The following SI variants were observed in gnomAD, a reference collection of about 807,000 sequenced individuals.
SI encodes sucrase-isomaltase.
A neutral mutation model predicts 253.3 loss-of-function variants in SI; 235 were observed. That is an observed-to-expected ratio of 0.93 (90% CI 0.83 to 1.03). SI has a LOEUF of 1.03. SI is among the 50% of genes least tolerant of loss of function. SI has a pLI of 0.00. For synonymous variants in SI, 819 were observed against 712.0 expected (o/e 1.15, Z -2.39); for missense variants, 2,442 against 2,211.1 (o/e 1.10, Z -2.09).
intron 15 of SI, 67 bp from the exon 16 acceptor site, chr3:165,047,079 A>C: frequency 7.9e-7 from 1 of 1,270,740 alleles, no homozygotes; most frequent in Non-Finnish European, 1.1e-6. Flanking sequence ...TTAAATTCTA[A>C]AATTTCATAA....
chr3:165,033,548 G>T, intron 22 of SI, 104 bp from the exon 23 acceptor site: 1 of 1,088,512 alleles, frequency 9.2e-7, no homozygotes, highest in Non-Finnish European at 1.2e-6. Flanking sequence ...ACTAGATGCT[G>T]TTTATTAATG....
intron 3 of SI, among the ~76,000 whole-genome samples, 195 bp from the exon 4 acceptor site, chr3:165,069,390 C>T (rs1274436769): frequency 6.6e-6 from 1 of 151,964 alleles, no homozygotes; most frequent in East Asian, 1.9e-4. Flanking sequence ...TAATTACACC[C>T]TGTCAGAAAT....
At chr3:164,995,854 T>A (rs1717984695) in intron 40 of SI, among the ~76,000 whole-genome samples, 1 of 151,812 alleles carries the variant, frequency 6.6e-6, no homozygotes, top group Non-Finnish European at 1.5e-5. Flanking sequence ...TTTTAGAATA[T>A]ATAAATCATT....
At chr3:165,070,232 A>T (rs1560018143) in intron 3 of SI, among the ~76,000 whole-genome samples, 1 of 143,718 alleles carries the variant, frequency 7.0e-6, no homozygotes, top group East Asian at 2.0e-4. Context: ...TATAGAATAA[A>T]AATACACATA....
At chr3:164,997,456 G>A (rs1343618285) in intron 38 of SI, among the ~76,000 whole-genome samples, 1 of 143,346 alleles carries the variant, frequency 7.0e-6, no homozygotes, top group Non-Finnish European at 1.5e-5. Context: ...TTTTTTTTTA[G>A]CATCTATCAG....
chr3:165,025,576 A>G (rs1317707968), intron 25 of SI, among the ~76,000 whole-genome samples: 1 of 151,188 alleles, frequency 6.6e-6, no homozygotes, highest in Non-Finnish European at 1.5e-5. Flanking sequence ...AAGATGAAGG[A>G]AAAAATCTTA....
At chr3:165,073,206 CTCTCTCTCTCTCTCTCTCTCTG>C (rs1553779377) in intron 3 of SI, among the ~76,000 whole-genome samples, 1 of 107,442 alleles carries the variant, frequency 9.3e-6, no homozygotes. Flanking sequence ...CTCTCTCTCT[CTCTCTCTCTCTCTCTCTCTCTG>C]TCTCTTTCCC....
At position 165,067,478 on chromosome 3, in the gene SI, T is replaced by G; in HGVS notation, c.497A>C (p.Asn166Thr). Residue 166 changes from asparagine (N) to threonine (T), a missense_variant, in exon 6 of 48, where the codon AAT becomes ACT. Asn to Thr is a moderately conservative substitution (Grantham distance 65). Coordinates refer to ENST00000264382, the MANE Select transcript of SI (RefSeq NM_001041.4). ...ATGAGGAACTTCATATCTTCTATTA[T>G]TTGGATCAGTAATCTGGAAAGATTT... ...NRFRFKITDP[N>T]NRRYEVPHQY... 6.2e-7 allele frequency: 1 copy of G among 1,609,584 alleles called. No individual in the cohort carries two copies. Among genetic ancestry groups the G allele is most frequent in the Non-Finnish European group, 8.5e-7 (1 of 1,176,212 alleles).
rs1712767521 is a variant in SI, at chr3:165,040,601, A to G, written c.2159+339T>C. 2.0e-5 allele frequency among the ~76,000 whole-genome samples: 3 copies of G among 151,990 alleles called. 1 individual carries two copies. The South Asian group carries it at 6.2e-4, about 31-fold the overall frequency. On this transcript the variant is annotated intron_variant, in intron 18 of 47. Coordinates refer to ENST00000264382, the MANE Select transcript of SI (RefSeq NM_001041.4). ...ACAATTTCCCTTTTTTGTAAGTTTT[A>G]TACTCTACTCTTGATCTATATTTAG...
intron 37 of SI, among the ~76,000 whole-genome samples, chr3:165,006,099 T>G (rs1242529177): frequency 6.6e-6 from 1 of 152,158 alleles, no homozygotes; most frequent in Non-Finnish European, 1.5e-5. Context: ...AATGAATTTA[T>G]TTATTTTATG....
chr3:165,033,187 G>C (rs1712338099), intron 23 of SI, among the ~76,000 whole-genome samples: 1 of 151,266 alleles, frequency 6.6e-6, no homozygotes, highest in African/African-American at 2.4e-5. Context: ...CAATTACATG[G>C]TCACAAACTT....
chr3:164,984,565 T>C (rs1717350695), intron 45 of SI, among the ~76,000 whole-genome samples: 1 of 152,076 alleles, frequency 6.6e-6, no homozygotes, highest in Non-Finnish European at 1.5e-5. Context: ...TTGTTTTTAA[T>C]AAGAGGAAGA....
intron 44 of SI, among the ~76,000 whole-genome samples, chr3:164,990,863 C>T (rs934432290): frequency 1.5e-4 from 22 of 151,130 alleles, no homozygotes; most frequent in African/African-American, 3.4e-4. Context: ...CTAACCTGCA[C>T]GTTGTGCACA....
At chr3:165,058,552 A>G (rs1003128053) in intron 12 of SI, among the ~76,000 whole-genome samples, 1 of 151,906 alleles carries the variant, frequency 6.6e-6, no homozygotes, top group Non-Finnish European at 1.5e-5. Flanking sequence ...GAAAAAAAGC[A>G]AGGCCCAAAT....
At chr3:165,009,638 C>T (rs979464927) in intron 34 of SI, among the ~76,000 whole-genome samples, 1 of 152,116 alleles carries the variant, frequency 6.6e-6, no homozygotes, top group Non-Finnish European at 1.5e-5. Context: ...AGGAACAGTT[C>T]ACAACCCACA....
the SI span, among the ~76,000 whole-genome samples, chr3:165,087,361 A>G: frequency 6.6e-6 from 1 of 152,072 alleles, no homozygotes; most frequent in Non-Finnish European, 1.5e-5. Context: ...GAAACAGGGA[A>G]CAGTAGTCTA....
At chr3:165,000,256 A>C (rs1280861590) in intron 37 of SI, among the ~76,000 whole-genome samples, 1 of 151,250 alleles carries the variant, frequency 6.6e-6, no homozygotes, top group Admixed American at 6.6e-5. Flanking sequence ...ACACTTGAAA[A>C]ACTTCTTTAC....
chr3:165,053,488 T>C (rs1713538462), intron 13 of SI, among the ~76,000 whole-genome samples: 1 of 152,170 alleles, frequency 6.6e-6, no homozygotes, highest in African/African-American at 2.4e-5. Flanking sequence ...TAGCTAAAAG[T>C]AGAATATCCA....
the SI span, among the ~76,000 whole-genome samples, chr3:165,089,597 T>A: frequency 1.3e-5 from 2 of 152,266 alleles, no homozygotes; most frequent in South Asian, 2.1e-4. Context: ...TTTGACAACA[T>A]CACCCCAAAG....
Sources: gnomAD v4.1 joint callset for allele counts (sites outside exome capture counted in the v4.1 genomes callset) on GRCh38, gnomAD v4.1.1 for gene constraint, MANE v1.5 for transcripts, NCBI Gene and HGNC (gene_info 2026-07-23, HGNC 2026-07-21) for gene names.